PTN: variants seen among roughly 807,000 people sequenced by gnomAD.
PTN encodes the protein heparin affin regulatory protein.
A neutral mutation model predicts 24.1 loss-of-function variants in PTN; 18 were observed. That is an observed-to-expected ratio of 0.75 (90% CI 0.52 to 1.11). The LOEUF is 1.11. PTN is among the 50% of genes least tolerant of loss of function. The pLI is 0.00. For synonymous variants in PTN, 78 were observed against 68.6 expected (o/e 1.14, Z -0.67); for missense variants, 163 against 198.8 (o/e 0.82, Z 1.08).
rs550580495 is a variant in PTN, at chr7:137,279,698, G to A, written c.-1-24724C>T. Among the ~76,000 whole-genome samples, 276 of 152,212 alleles carry A rather than the reference G, an allele frequency of 1.8e-3. 1 individual carries two copies. The highest frequency in any genetic ancestry group is 6.1e-3 in the African/African-American group (252 of 41,534). On this transcript the variant is annotated intron_variant, in intron 1 of 4. Coordinates refer to ENST00000348225, the MANE Select transcript of PTN (RefSeq NM_002825.7). ...CTTGCTTGTCATATACAAGGGTTAC[G>A]TAAAAAATTTAGTGACGCTATATTT... is the stretch of plus-strand genomic sequence containing the variant.
At chr7:137,329,079 C>T (rs1213939667) in intron 1 of PTN, among the ~76,000 whole-genome samples, 2 of 152,082 alleles carry the variant, frequency 1.3e-5, no homozygotes, top group African/African-American at 2.4e-5. Context: ...TGATCTTGGA[C>T]AAGTTACTTC....
intron 1 of PTN, among the ~76,000 whole-genome samples, chr7:137,301,355 G>A (rs149003510): frequency 3.4e-3 from 514 of 151,966 alleles, no homozygotes; most frequent in Non-Finnish European, 6.3e-3. Flanking sequence ...CACCTGTACC[G>A]TAAATGTTCA....
chr7:137,238,289 A>G (rs1190645817), intron 4 of PTN, among the ~76,000 whole-genome samples: 1 of 152,150 alleles, frequency 6.6e-6, no homozygotes, highest in Non-Finnish European at 1.5e-5. Context: ...GAGGGAAGAC[A>G]ATCATGAATC....
chr7:137,341,831 A>C (rs1192705519), intron 1 of PTN, among the ~76,000 whole-genome samples: 1 of 152,162 alleles, frequency 6.6e-6, no homozygotes, highest in Non-Finnish European at 1.5e-5. Context: ...TTCTTAAAGC[A>C]CAAAAGGATG....
chr7:137,277,837 T>A (rs1201330992), intron 1 of PTN, among the ~76,000 whole-genome samples: 1 of 152,006 alleles, frequency 6.6e-6, no homozygotes, highest in Non-Finnish European at 1.5e-5. Flanking sequence ...CCCAAAGTGC[T>A]TGGATTATAA....
intron 4 of PTN, among the ~76,000 whole-genome samples, chr7:137,245,765 C>G (rs80256570): frequency 0.01 from 1,571 of 152,164 alleles, 12 homozygotes; most frequent in Non-Finnish European, 0.016. Flanking sequence ...TGTTGATGAA[C>G]CTGACCCTGT....
rs112215784 is a variant in PTN, at chr7:137,320,697, G to A, written c.-2+22742C>T. ...AAAATGAACTTTTATAACATAATAG[G>A]TTTGGGGATTTTTTTCCAAGTTTGC... On this transcript the variant is annotated intron_variant, in intron 1 of 4. Transcript: ENST00000348225. Among the ~76,000 whole-genome samples, 774 of 152,222 alleles carry A rather than the reference G, an allele frequency of 5.1e-3. 6 individuals are homozygous for A. Among genetic ancestry groups the A allele is most frequent in the Middle Eastern group, 0.017 (5 of 294 alleles).
At chr7:137,319,067 G>A (rs954280072) in intron 1 of PTN, among the ~76,000 whole-genome samples, 4 of 151,838 alleles carry the variant, frequency 2.6e-5, no homozygotes, top group Non-Finnish European at 2.9e-5. Flanking sequence ...CTTTTTGTCC[G>A]CCTAAAAAGA....
chr7:137,255,015 TAA>T (rs1378296379), intron 1 of PTN, 41 bp from the exon 2 acceptor site: 1 of 1,405,582 alleles, frequency 7.1e-7, no homozygotes, highest in South Asian at 1.5e-5. Context: ...GGCATTAACC[TAA>T]GTCAGAAAGG....
At chr7:137,341,764 GA>G (rs1367519141) in intron 1 of PTN, among the ~76,000 whole-genome samples, 1 of 151,958 alleles carries the variant, frequency 6.6e-6, no homozygotes, top group Non-Finnish European at 1.5e-5. Context: ...AGCAGTGGCA[GA>G]AAAAAGATCA....
intron 4 of PTN, among the ~76,000 whole-genome samples, chr7:137,233,589 G>A (rs1808466930): frequency 6.6e-6 from 1 of 151,862 alleles, no homozygotes; most frequent in Admixed American, 6.6e-5. Flanking sequence ...TTTCAAAATT[G>A]TAAAGTGCTT....
At chr7:137,244,585 G>A (rs568701063) in intron 4 of PTN, among the ~76,000 whole-genome samples, 1 of 150,246 alleles carries the variant, frequency 6.7e-6, no homozygotes, top group South Asian at 2.1e-4. Context: ...CTGTGTCCAA[G>A]TGTTCTCATT....
chr7:137,270,330 C>A (rs1393090593), intron 1 of PTN, among the ~76,000 whole-genome samples: 3 of 152,126 alleles, frequency 2.0e-5, no homozygotes, highest in Admixed American at 6.5e-5. Context: ...TGAACAAAAC[C>A]ACTTATAGCT....
At chr7:137,297,165 T>A (rs553132867) in intron 1 of PTN, among the ~76,000 whole-genome samples, 2 of 152,118 alleles carry the variant, frequency 1.3e-5, no homozygotes, top group Non-Finnish European at 2.9e-5. Context: ...AAATAAGACA[T>A]GTTATAAAAT....
chr7:137,324,390 C>T (rs1810216737), intron 1 of PTN, among the ~76,000 whole-genome samples: 1 of 132,562 alleles, frequency 7.5e-6, no homozygotes, highest in Non-Finnish European at 1.5e-5. Flanking sequence ...GCACTCCAGC[C>T]TGGGCAGCAC....
chr7:137,253,547 C>T lies in PTN; in HGVS notation c.206G>A (p.Gly69Asp), dbSNP rs1808865519. 1 of 1,612,336 alleles carries T rather than the reference C, an allele frequency of 6.2e-7. No individual in the cohort carries two copies. The highest frequency in any genetic ancestry group is 1.3e-5 in the African/African-American group (1 of 74,914). The change falls in exon 3 of 5, where the codon GGC (glycine) becomes GAC (aspartate). Residue 69 changes from glycine (G) to aspartate (D), a missense_variant. Physicochemically the swap from Gly to Asp is moderately conservative, Grantham distance 94. Transcript: ENST00000348225. ...CTTGCACTCAGCTCCAGTCCGAGTG[C>T]CCTCCCGTGTGCCCAGCCCACAGTC... Reference protein sequence around the residue: ...SGDCGLGTREGTRTGAECKQT... With the variant: ...SGDCGLGTREDTRTGAECKQT...
intron 4 of PTN, among the ~76,000 whole-genome samples, chr7:137,238,296 A>C (rs1808559778): frequency 6.6e-6 from 1 of 152,184 alleles, no homozygotes; most frequent in Non-Finnish European, 1.5e-5. Context: ...GACAATCATG[A>C]ATCCAGGCCA....
chr7:137,289,334 C>T (rs936896088), intron 1 of PTN, among the ~76,000 whole-genome samples: 16 of 151,976 alleles, frequency 1.1e-4, no homozygotes, highest in African/African-American at 3.9e-4. Context: ...AAGAGCAGTC[C>T]TGTGAATCAT....
chr7:137,248,979 A>C (rs1808774550), intron 4 of PTN, among the ~76,000 whole-genome samples: 1 of 152,128 alleles, frequency 6.6e-6, no homozygotes, highest in Non-Finnish European at 1.5e-5. Context: ...TCATTTTTTC[A>C]AGCTGAAAGC....
Sources: gnomAD v4.1 joint callset for allele counts (sites outside exome capture counted in the v4.1 genomes callset) on GRCh38, gnomAD v4.1.1 for gene constraint, MANE v1.5 for transcripts, NCBI Gene and HGNC (gene_info 2026-07-23, HGNC 2026-07-21) for gene names.